Variants in CDH13 observed in about 807,000 individuals in gnomAD.
The protein encoded by CDH13 is cadherin 13.
Under a neutral mutation model 63.8 loss-of-function variants are expected in CDH13, and 24 were observed. That is an observed-to-expected ratio of 0.38 (90% CI 0.27 to 0.53). The LOEUF (loss-of-function observed/expected upper bound fraction) is 0.53, where lower values mean the gene tolerates loss of function less well. CDH13 is among the 20% of genes least tolerant of loss of function. The pLI is 0.85. For synonymous variants in CDH13, 503 were observed against 355.3 expected, an observed-to-expected ratio of 1.42 and a Z score of -4.67; for missense variants, 1,049 against 903.1, an observed-to-expected ratio of 1.16 and a Z score of -2.07.
At chr16:82,756,315 T>A (rs934079046) in intron 1 of CDH13, among the ~76,000 whole-genome samples, 2 of 152,130 alleles carry the variant, frequency 1.3e-5, no homozygotes, top group African/African-American at 4.8e-5. Flanking sequence ...ATCCTTCTGA[T>A]AGGGAAAGAA....
intron 2 of CDH13, among the ~76,000 whole-genome samples, chr16:82,871,005 AT>A (rs2040325035): frequency 6.6e-6 from 1 of 152,208 alleles, no homozygotes; most frequent in African/African-American, 2.4e-5. Flanking sequence ...GGAAGTCACT[AT>A]TACTCCTAAG....
Position 82,680,082 on chromosome 16 carries a change from G to A in CDH13, c.45+52945G>A, listed in dbSNP as rs1221816589. Among the ~76,000 whole-genome samples, 3 of 152,208 alleles carry A rather than the reference G, an allele frequency of 2.0e-5. No individual in the cohort carries two copies. The East Asian group carries it at 5.8e-4, about 29-fold the overall frequency. On this transcript the variant is annotated intron_variant, in intron 1 of 13. Transcript: ENST00000567109. ...TATCCACTCTCATCCCTCCACTGGG[G>A]AAGAGAGAGTTGGTGCCAGTCTTCC...
At chr16:83,454,488 T>C (rs1469788796) in intron 6 of CDH13, among the ~76,000 whole-genome samples, 1 of 152,220 alleles carries the variant, frequency 6.6e-6, no homozygotes, top group Non-Finnish European at 1.5e-5. Context: ...TATTGCATTA[T>C]ATATTTTACT....
chr16:82,981,208 G>A (rs555439510), intron 2 of CDH13, among the ~76,000 whole-genome samples: 4 of 152,080 alleles, frequency 2.6e-5, no homozygotes, highest in Admixed American at 6.5e-5. Flanking sequence ...TCCACTTTCC[G>A]TTTCACCAGC....
chr16:83,446,285 A>C (rs1405861718), intron 6 of CDH13, among the ~76,000 whole-genome samples: 1 of 150,528 alleles, frequency 6.6e-6, no homozygotes, highest in East Asian at 1.9e-4. Context: ...CCTGGGCGAC[A>C]GAGTGAGACT....
intron 8 of CDH13, among the ~76,000 whole-genome samples, chr16:83,616,389 T>C (rs1317231818): frequency 6.6e-6 from 1 of 152,132 alleles, no homozygotes; most frequent in Non-Finnish European, 1.5e-5. Flanking sequence ...ATCATCCCTG[T>C]GTGAACCTCT....
chr16:83,043,527 GTA>G (rs1191823582), intron 3 of CDH13, among the ~76,000 whole-genome samples: 7 of 140,538 alleles, frequency 5.0e-5, no homozygotes, highest in East Asian at 2.2e-4. Context: ...GTGTGTGTGT[GTA>G]TGTATAACAG....
At chr16:82,643,905 C>T (rs1205933696) in intron 1 of CDH13, among the ~76,000 whole-genome samples, 1 of 116,232 alleles carries the variant, frequency 8.6e-6, no homozygotes, top group African/African-American at 2.9e-5. Context: ...GACCACCAGG[C>T]CCAGTTAATT....
At chr16:83,544,041 G>A (rs1252115312) in intron 7 of CDH13, among the ~76,000 whole-genome samples, 1 of 152,190 alleles carries the variant, frequency 6.6e-6, no homozygotes, top group Non-Finnish European at 1.5e-5. Context: ...CACTACTGCA[G>A]TATGAGAAAG....
At chr16:82,640,009 G>C (rs538617197) in intron 1 of CDH13, among the ~76,000 whole-genome samples, 1 of 152,234 alleles carries the variant, frequency 6.6e-6, no homozygotes, top group Admixed American at 6.5e-5. Context: ...TCTCAGCATT[G>C]AGGGAGGCAG....
At chr16:82,917,728 A>G (rs552480590) in intron 2 of CDH13, among the ~76,000 whole-genome samples, 155 of 152,190 alleles carry the variant, frequency 1.0e-3, no homozygotes, top group Non-Finnish European at 1.7e-3. Flanking sequence ...CCTGACCAAC[A>G]TGGTGAAACC....
intron 1 of CDH13, among the ~76,000 whole-genome samples, chr16:82,845,326 C>A (rs781436204): frequency 6.6e-5 from 10 of 152,206 alleles, no homozygotes; most frequent in African/African-American, 9.6e-5. Flanking sequence ...AACTCCCCCT[C>A]CTTTCCCATC....
chr16:83,269,716 T>C (rs1160420112), intron 5 of CDH13, among the ~76,000 whole-genome samples: 2 of 152,170 alleles, frequency 1.3e-5, no homozygotes, highest in African/African-American at 4.8e-5. Context: ...CATGACATCA[T>C]CCTCTTTGAC....
intron 3 of CDH13, among the ~76,000 whole-genome samples, chr16:83,055,795 A>G (rs2030866424): frequency 6.6e-6 from 1 of 152,170 alleles, no homozygotes; most frequent in Admixed American, 6.5e-5. Context: ...AAACATTGAA[A>G]GAAGGAAAAA....
chr16:83,430,086 A>G (rs538456278), intron 6 of CDH13, among the ~76,000 whole-genome samples: 1 of 152,328 alleles, frequency 6.6e-6, no homozygotes, highest in Non-Finnish European at 1.5e-5. Flanking sequence ...AAAATTAAAA[A>G]TAGAGCTACC....
Position 83,443,714 on chromosome 16 carries a change from AAAAAAAAAAAAAAAAAAAAAAAT to A in CDH13, c.782-42761_782-42739del, listed in dbSNP as rs1365238505. On this transcript the variant is annotated intron_variant, in intron 6 of 13. Transcript: ENST00000567109. The stretch of plus-strand genomic sequence containing the variant: ...AGTGCGAAGTCCCTACGAAAAAAAA[AAAAAAAAAAAAAAAAAAAAAAAT>A]ATATATATATATATATATATATATA... Among the ~76,000 whole-genome samples, 70 of 91,842 alleles carry A rather than the reference AAAAAAAAAAAAAAAAAAAAAAAT, an allele frequency of 7.6e-4. 1 individual carries two copies. Among genetic ancestry groups the A allele is most frequent in the East Asian group, 4.4e-3 (15 of 3,386 alleles). 60.3% of individuals were successfully genotyped at this position (91,842 alleles called of 152,430 possible).
At chr16:83,516,360 C>G (rs910316923) in intron 7 of CDH13, among the ~76,000 whole-genome samples, 97 of 152,332 alleles carry the variant, frequency 6.4e-4, no homozygotes, top group African/African-American at 2.0e-3. Context: ...TGTCATCTCT[C>G]TTTATGAACA....
At chr16:82,959,742 A>G (rs901433674) in intron 2 of CDH13, among the ~76,000 whole-genome samples, 3 of 152,232 alleles carry the variant, frequency 2.0e-5, no homozygotes, top group Non-Finnish European at 4.4e-5. Flanking sequence ...GTTCCTTTAT[A>G]TCTCCGAGTA....
intron 2 of CDH13, among the ~76,000 whole-genome samples, chr16:82,922,754 C>A (rs367882467): frequency 6.6e-6 from 1 of 152,002 alleles, no homozygotes; most frequent in Non-Finnish European, 1.5e-5. Context: ...ATCATGTGCC[C>A]GAGAGGAAAA....
Sources: gnomAD v4.1 joint callset for allele counts (sites outside exome capture counted in the v4.1 genomes callset) on GRCh38, gnomAD v4.1.1 for gene constraint, MANE v1.5 for transcripts, NCBI Gene and HGNC (gene_info 2026-07-23, HGNC 2026-07-21) for gene names.